Variants in ARHGAP35 observed in about 807,000 individuals in gnomAD.
ARHGAP35 encodes the protein Rho GTPase activating protein 35.
In ARHGAP35, 15 loss-of-function variants were observed where a neutral mutation model predicts 111.1. The observed-to-expected ratio is 0.13, with a 90% CI of 0.09 to 0.21. ARHGAP35 has a LOEUF of 0.21. Among genes scored for constraint, ARHGAP35 ranks in the 10% least tolerant of loss-of-function variants. The pLI is 1.00. For synonymous variants in ARHGAP35, 643 were observed against 710.3 expected (o/e 0.91, Z 1.51); for missense variants, 1,262 against 1,873.0 (o/e 0.67, Z 6.02).
chr19:46,861,076 C>A lies in ARHGAP35; in HGVS notation c.-322C>A, dbSNP rs1048006401. ...GGGAACCCGCGAGGGAGGGTCCGCC[C>A]GGCCCCCCGCCGCCGGAGCCGCCGC... On this transcript the variant is annotated 5_prime_UTR_variant, in exon 1 of 7. Coordinates refer to ENST00000672722, the MANE Select transcript of ARHGAP35 (RefSeq NM_004491.5). 2.6e-5 allele frequency among the ~76,000 whole-genome samples: 4 copies of A among 151,040 alleles called. No individual in the cohort carries two copies. Among genetic ancestry groups the A allele is most frequent in the African/African-American group, 9.7e-5 (4 of 41,180 alleles).
At chr19:46,966,687 G>T (rs1252181639) in intron 3 of ARHGAP35, among the ~76,000 whole-genome samples, 1 of 152,092 alleles carries the variant, frequency 6.6e-6, no homozygotes, top group Admixed American at 6.5e-5. Flanking sequence ...TTCTAGGGTT[G>T]ATGGGATGGA....
chr19:46,985,057 G>A (rs557706736), intron 3 of ARHGAP35, among the ~76,000 whole-genome samples: 1 of 152,204 alleles, frequency 6.6e-6, no homozygotes, highest in South Asian at 2.1e-4. Context: ...CATTTTCTTT[G>A]TATTATGTAG....
chr19:46,862,191 C>T (rs1447843183), intron 1 of ARHGAP35, among the ~76,000 whole-genome samples: 1 of 152,080 alleles, frequency 6.6e-6, no homozygotes, highest in Admixed American at 6.6e-5. Flanking sequence ...TCTGCCTTCC[C>T]GGGAAGCAGC....
chr19:46,949,087 G>C (rs2122243157), intron 3 of ARHGAP35: 1 of 152,014 alleles, frequency 6.6e-6, no homozygotes, highest in South Asian at 2.1e-4. Flanking sequence ...AACCCGGGAG[G>C]CGGAGCTTGT....
chr19:46,866,679 C>T (rs753154350), intron 1 of ARHGAP35, among the ~76,000 whole-genome samples: 2 of 152,060 alleles, frequency 1.3e-5, no homozygotes. Flanking sequence ...CATCAAGTCC[C>T]GTAACCCAGA....
Position 46,999,732 on chromosome 19 carries a change from ATCT to A in ARHGAP35, c.4142+327_4142+329del, listed in dbSNP as rs2056735560. On this transcript the variant is annotated intron_variant, in intron 6 of 6. Transcript: ENST00000672722. This position sits in a 1 kb window ranked among gnomAD's most constrained non-coding sequence, Gnocchi z 5.4. ...GTCCCAAAGCTGGCAGAGAGAGAAGATCTTCTGGTTGGTACTGATGCTCCAGAA... is the reference window on the plus strand; with the variant it reads ...GTCCCAAAGCTGGCAGAGAGAGAAGATCTGGTTGGTACTGATGCTCCAGAA... The A allele has an allele frequency of 8.8e-6, 3 of 342,092 alleles. No homozygotes were observed. Among genetic ancestry groups the A allele is most frequent in the Non-Finnish European group, 1.6e-5 (3 of 186,710 alleles). 21.2% of individuals were successfully genotyped at this position (342,092 alleles called of 1,614,324 possible).
chr19:46,905,001 C>A (rs1289538920), intron 1 of ARHGAP35, among the ~76,000 whole-genome samples: 1 of 152,196 alleles, frequency 6.6e-6, no homozygotes. Flanking sequence ...ACTGGGGTTC[C>A]TGTCTATCTA....
chr19:46,936,247 TATA>T (rs973462737), intron 2 of ARHGAP35, among the ~76,000 whole-genome samples: 84 of 152,036 alleles, frequency 5.5e-4, no homozygotes, highest in African/African-American at 1.9e-3. Context: ...GTCTGAAAAT[TATA>T]ATAATAATAA....
At chr19:46,980,807 A>C (rs1433220430) in intron 3 of ARHGAP35, among the ~76,000 whole-genome samples, 2 of 152,252 alleles carry the variant, frequency 1.3e-5, no homozygotes, top group Non-Finnish European at 2.9e-5. Context: ...TCAGGTGCTC[A>C]TCCACTTGCC....
chr19:46,974,735 C>T (rs1477099576), intron 3 of ARHGAP35, among the ~76,000 whole-genome samples: 5 of 152,238 alleles, frequency 3.3e-5, no homozygotes, highest in East Asian at 3.9e-4. Flanking sequence ...CCCCTCACCC[C>T]CAGAGGTCGT....
rs140942141 is a variant in ARHGAP35, at chr19:46,965,168, C to T, written c.3827-22821C>T. Among the ~76,000 whole-genome samples, 519 of 152,196 alleles carry T rather than the reference C, an allele frequency of 3.4e-3. 7 individuals carry two copies. The highest frequency in any genetic ancestry group is 0.012 in the African/African-American group (501 of 41,546). ...TCTCTACTAAAAATACAAAAATTAG[C>T]CGGGCGTGGTGACAGGTGCCTGTAA... On this transcript the variant is annotated intron_variant, in intron 3 of 6. Transcript: ENST00000672722.
At position 46,921,660 on chromosome 19, in the gene ARHGAP35, G is replaced by A. The variant is rs779086396; in HGVS notation, c.2985G>A (p.Leu995=). ...SEEDIEPSYS[L]FREDTSLPSL... is the part of the protein sequence containing the mutation. ...AAGATATCGAGCCATCTTACAGCCT[G>A]TTTCGAGAAGACACATCACTGCCTT... Residue 995 remains leucine (L), a synonymous_variant, in exon 2 of 7, where the codon CTG becomes CTA. Coordinates refer to ENST00000672722, the MANE Select transcript of ARHGAP35 (RefSeq NM_004491.5). This position sits in a 1 kb window ranked among gnomAD's most constrained non-coding sequence, Gnocchi z 4.3. 1 of 1,613,974 alleles carries A rather than the reference G, an allele frequency of 6.2e-7. No homozygotes were observed. Among genetic ancestry groups the A allele is most frequent in the Admixed American group, 1.7e-5 (1 of 60,022 alleles).
chr19:46,882,730 CT>C (rs2055969246), intron 1 of ARHGAP35, among the ~76,000 whole-genome samples: 2 of 152,158 alleles, frequency 1.3e-5, no homozygotes, highest in African/African-American at 4.8e-5. Flanking sequence ...TCAACTCCCA[CT>C]TTTGAGTGAG....
chr19:46,882,083 G>A (rs2055965218), intron 1 of ARHGAP35, among the ~76,000 whole-genome samples: 1 of 151,960 alleles, frequency 6.6e-6, no homozygotes, highest in Non-Finnish European at 1.5e-5. Flanking sequence ...TGGTTTAAGG[G>A]AATATTGTGG....
In ARHGAP35 at chr19:46,926,367, G is replaced by C. The variant is rs1334666466; in HGVS notation, c.3681+4011G>C. 6.6e-6 allele frequency among the ~76,000 whole-genome samples: 1 copy of C among 152,174 alleles called. No individual in the cohort carries two copies. The highest frequency in any genetic ancestry group is 2.4e-5 in the African/African-American group (1 of 41,424). ...AAAATCTACGATTGCACTTCAGTAG[G>C]GTCCATGAATAGTGGCTTTGTCTGT... On this transcript the variant is annotated intron_variant, in intron 2 of 6. Coordinates refer to ENST00000672722, the MANE Select transcript of ARHGAP35 (RefSeq NM_004491.5). This position sits in a 1 kb window ranked among gnomAD's most constrained non-coding sequence, Gnocchi z 4.1.
chr19:46,865,200 G>A (rs566109300), intron 1 of ARHGAP35, among the ~76,000 whole-genome samples: 1 of 152,346 alleles, frequency 6.6e-6, no homozygotes, highest in East Asian at 1.9e-4. Flanking sequence ...GCCATTTGGA[G>A]TGGGGGGACT....
intron 1 of ARHGAP35, among the ~76,000 whole-genome samples, chr19:46,902,749 A>G (rs538494303): frequency 2.6e-5 from 4 of 152,262 alleles, no homozygotes; most frequent in African/African-American, 9.6e-5. Flanking sequence ...GCCCCCTCTA[A>G]TGTTTTAAAT....
intron 1 of ARHGAP35, among the ~76,000 whole-genome samples, chr19:46,871,691 A>G (rs1275826907): frequency 3.3e-5 from 5 of 151,330 alleles, no homozygotes; most frequent in African/African-American, 9.7e-5. Context: ...ATAAGAATCT[A>G]TAGAGGGCTG....
chr19:46,966,351 C>G (rs2056515185), intron 3 of ARHGAP35, among the ~76,000 whole-genome samples: 1 of 152,134 alleles, frequency 6.6e-6, no homozygotes, highest in Admixed American at 6.5e-5. Context: ...GAATTCAAGA[C>G]CAGCCCCAGC....
Sources: gnomAD v4.1 joint callset for allele counts (sites outside exome capture counted in the v4.1 genomes callset) on GRCh38, gnomAD v4.1.1 for gene constraint, Gnocchi (gnomAD v3.1) non-coding constraint, MANE v1.5 for transcripts, NCBI Gene and HGNC (gene_info 2026-07-23, HGNC 2026-07-21) for gene names.